Variants in ARHGAP24 observed in about 807,000 individuals in gnomAD.
ARHGAP24 encodes the protein rho GTPase-activating protein 24.
In ARHGAP24, 50 loss-of-function variants were observed where a neutral mutation model predicts 76.4. The ratio of observed to expected loss-of-function variants is 0.65; its 90% CI spans 0.52 to 0.83. The LOEUF (loss-of-function observed/expected upper bound fraction) is 0.83. Among genes scored for constraint, ARHGAP24 ranks in the 40% least tolerant of loss-of-function variants. ARHGAP24 has a pLI of 0.00. For missense variants in ARHGAP24, 930 were observed against 914.2 expected (o/e 1.02, Z -0.22); for synonymous variants, 345 against 323.3 (o/e 1.07, Z -0.72).
intron 5 of ARHGAP24, among the ~76,000 whole-genome samples, chr4:85,960,558 A>G (rs1033472084): frequency 2.4e-4 from 37 of 152,166 alleles, no homozygotes; most frequent in African/African-American, 8.9e-4. Flanking sequence ...AATGTCTGAT[A>G]TAATGTAGGC....
rs116950736 is a variant in ARHGAP24 at position 85,711,274 on chromosome 4, G to A, written c.181-10611G>A. 4.0e-5 allele frequency among the ~76,000 whole-genome samples: 6 copies of A among 151,506 alleles called. No individual in the cohort carries two copies. In the East Asian group the frequency reaches 1.2e-3, roughly 30 times the overall value. ...AAGGGTGGAAGGAGGGAGAGGAGTGGGAAAAATAACTATTGGGTACTAGGC... is the reference window on the plus strand; with the variant it reads ...AAGGGTGGAAGGAGGGAGAGGAGTGAGAAAAATAACTATTGGGTACTAGGC... On this transcript the variant is annotated intron_variant, in intron 2 of 9. Transcript: ENST00000395184.
At chr4:85,527,258 A>T (rs1467077270) in intron 1 of ARHGAP24, among the ~76,000 whole-genome samples, 1 of 152,060 alleles carries the variant, frequency 6.6e-6, no homozygotes, top group Non-Finnish European at 1.5e-5. Flanking sequence ...ATTCAGTATA[A>T]CTCTAGCTTG....
chr4:85,662,436 C>G (rs116785460), intron 2 of ARHGAP24, among the ~76,000 whole-genome samples: 52,239 of 149,866 alleles, frequency 0.35, 10,907 homozygotes, highest in East Asian at 0.84. Context: ...CAGATGAGTT[C>G]GTTGCGAAAA....
chr4:85,935,410 G>A (rs1285461476), intron 4 of ARHGAP24, among the ~76,000 whole-genome samples: 1 of 152,162 alleles, frequency 6.6e-6, no homozygotes, highest in African/African-American at 2.4e-5. Context: ...GCTGACCACA[G>A]GCTCCTGTGG....
intron 3 of ARHGAP24, among the ~76,000 whole-genome samples, chr4:85,846,452 G>T (rs1294830414): frequency 3.3e-5 from 5 of 152,052 alleles, no homozygotes; most frequent in Non-Finnish European, 7.4e-5. Context: ...CTTACCTATT[G>T]CTATTGCAGT....
At position 85,658,278 on chromosome 4, in the gene ARHGAP24, C is replaced by T. The variant is rs1722249637; in HGVS notation, c.181-63607C>T. Reference sequence around the variant, plus strand: ...CTTCATTTTTTCTCTGTAATCAATGCAAAATTATTCAATTTAAAGGAATAT... The same window carrying T: ...CTTCATTTTTTCTCTGTAATCAATGTAAAATTATTCAATTTAAAGGAATAT... On this transcript the variant is annotated intron_variant, in intron 2 of 9. Transcript: ENST00000395184. 2.0e-5 allele frequency among the ~76,000 whole-genome samples: 3 copies of T among 152,108 alleles called. No individual in the cohort carries two copies. In the South Asian group the frequency reaches 6.2e-4, roughly 32 times the overall value.
chr4:85,706,419 AAT>A (rs1346103852), intron 2 of ARHGAP24, among the ~76,000 whole-genome samples: 1 of 152,202 alleles, frequency 6.6e-6, no homozygotes, highest in East Asian at 1.9e-4. Flanking sequence ...AAGAAATTTT[AAT>A]ATAGAGTCCA....
At chr4:85,981,950 C>A (rs1739693605) in intron 8 of ARHGAP24, among the ~76,000 whole-genome samples, 2 of 152,106 alleles carry the variant, frequency 1.3e-5, no homozygotes, top group Non-Finnish European at 2.9e-5. Context: ...ACCATCAGAG[C>A]CCCCATTGCT....
At chr4:85,864,196 C>A (rs1237489038) in intron 3 of ARHGAP24, among the ~76,000 whole-genome samples, 2 of 152,004 alleles carry the variant, frequency 1.3e-5, no homozygotes, top group Admixed American at 6.6e-5. Context: ...AGCTTTCAGG[C>A]TGCTCTTTGT....
chr4:85,491,538 C>T (rs1034691448), intron 1 of ARHGAP24, among the ~76,000 whole-genome samples: 1 of 152,140 alleles, frequency 6.6e-6, no homozygotes, highest in Admixed American at 6.5e-5. Context: ...CTGTTTAACA[C>T]ACACACACAC....
intron 1 of ARHGAP24, among the ~76,000 whole-genome samples, chr4:85,537,550 G>A (rs537209830): frequency 6.6e-6 from 1 of 151,950 alleles, no homozygotes; most frequent in East Asian, 1.9e-4. Flanking sequence ...ATTTTCCTAG[G>A]GTAAGGTATG....
chr4:85,497,639 T>G (rs1243934939), intron 1 of ARHGAP24, among the ~76,000 whole-genome samples: 1 of 152,138 alleles, frequency 6.6e-6, no homozygotes, highest in African/African-American at 2.4e-5. Flanking sequence ...CTGACCAACC[T>G]GGTAAAACCC....
At chr4:85,908,567 C>T (rs1410976007) in intron 3 of ARHGAP24, among the ~76,000 whole-genome samples, 1 of 152,066 alleles carries the variant, frequency 6.6e-6, no homozygotes, top group African/African-American at 2.4e-5. Flanking sequence ...GTATCAGAGT[C>T]CCAACTGAAA....
intron 1 of ARHGAP24, among the ~76,000 whole-genome samples, chr4:85,568,247 A>G (rs547289887): frequency 6.7e-6 from 1 of 150,006 alleles, no homozygotes; most frequent in South Asian, 2.1e-4. Context: ...AGAAAAAATT[A>G]CCTAAGGGCC....
At chr4:85,721,430 GAAAGA>G (rs1372230172) in intron 2 of ARHGAP24, among the ~76,000 whole-genome samples, 1 of 150,310 alleles carries the variant, frequency 6.7e-6, no homozygotes, top group Non-Finnish European at 1.5e-5. Flanking sequence ...AAAAGGAAAA[GAAAGA>G]AAAGGAAAGA....
intron 1 of ARHGAP24, among the ~76,000 whole-genome samples, chr4:85,480,320 G>A (rs1363468838): frequency 2.0e-5 from 3 of 151,940 alleles, no homozygotes; most frequent in Non-Finnish European, 4.4e-5. Context: ...TTAACTAGTG[G>A]GTTTTTTTGG....
At chr4:85,930,350 G>C (rs1736259180) in intron 4 of ARHGAP24, 1 of 986,332 alleles carries the variant, frequency 1.0e-6, no homozygotes, top group African/African-American at 1.7e-5. Context: ...AAAAGAAGCA[G>C]GGGGGTCCTT....
intron 8 of ARHGAP24, chr4:85,992,299 T>C (rs1467970212): frequency 2.6e-6 from 1 of 390,156 alleles, no homozygotes; most frequent in Non-Finnish European, 4.5e-6. Flanking sequence ...CAAGGGGCTA[T>C]GGCCATTTAT....
chr4:85,492,595 A>G (rs1242425713), intron 1 of ARHGAP24, among the ~76,000 whole-genome samples: 1 of 152,206 alleles, frequency 6.6e-6, no homozygotes, highest in African/African-American at 2.4e-5. Context: ...ACGGGATAAC[A>G]TGGCTGAAAA....
Sources: gnomAD v4.1 joint callset for allele counts (sites outside exome capture counted in the v4.1 genomes callset) on GRCh38, gnomAD v4.1.1 for gene constraint, MANE v1.5 for transcripts, NCBI Gene and HGNC (gene_info 2026-07-23, HGNC 2026-07-21) for gene names.